Variants in CACNA1D observed in about 807,000 individuals in gnomAD.
CACNA1D encodes the protein voltage-dependent L-type calcium channel subunit alpha-1D.
Under a neutral mutation model 257.1 loss-of-function variants are expected in CACNA1D, and 55 were observed. That is an observed-to-expected ratio of 0.21 (90% CI 0.17 to 0.27). The LOEUF (loss-of-function observed/expected upper bound fraction) is 0.27, where lower values mean the gene tolerates loss of function less well. Among genes scored for constraint, CACNA1D ranks in the 10% least tolerant of loss-of-function variants. The pLI is 1.00. For synonymous variants in CACNA1D, 980 were observed against 1,014.9 expected, an observed-to-expected ratio of 0.97 and a Z score of 0.65; for missense variants, 1,876 against 2,784.0, an observed-to-expected ratio of 0.67 and a Z score of 7.34.
chr3:53,776,499 C>A, intron 35 of CACNA1D, 104 bp from the exon 36 acceptor site: 1 of 1,364,986 alleles, frequency 7.3e-7, no homozygotes, highest in Non-Finnish European at 1.0e-6. Flanking sequence ...CTCTTGGAGA[C>A]ATGGGTTCCC....
intron 3 of CACNA1D, among the ~76,000 whole-genome samples, chr3:53,575,153 G>A (rs2093014293): frequency 6.6e-6 from 1 of 152,224 alleles, no homozygotes; most frequent in South Asian, 2.1e-4. Flanking sequence ...GGACAGTGCT[G>A]GCGGCAGAGG....
At chr3:53,536,464 G>GTT in intron 3 of CACNA1D, among the ~76,000 whole-genome samples, 1 of 152,078 alleles carries the variant, frequency 6.6e-6, no homozygotes, top group African/African-American at 2.4e-5. Context: ...AAATGCATGG[G>GTT]AACTACCAGG....
chr3:53,702,347 A>G (rs973114113), intron 8 of CACNA1D, among the ~76,000 whole-genome samples: 2 of 152,216 alleles, frequency 1.3e-5, no homozygotes, highest in African/African-American at 4.8e-5. Context: ...CCATGACAGC[A>G]CATGGTGTTT....
chr3:53,780,007 C>A lies in CACNA1D; in HGVS notation c.4588-19C>A. On this transcript the variant is annotated intron_variant, in intron 37 of 47. Coordinates refer to ENST00000350061, the MANE Select transcript of CACNA1D (RefSeq NM_001128840.3). ...CACTCATTTGCATTCTACAAAGAAA[C>A]CTTCCTTTCTGTTTACAGAGATTAG... is the stretch of plus-strand genomic sequence containing the variant. 1.3e-6 allele frequency: 2 copies of A among 1,555,656 alleles called. No homozygotes were observed. Among genetic ancestry groups the A allele is most frequent in the Non-Finnish European group, 1.8e-6 (2 of 1,126,738 alleles).
At chr3:53,497,115 TA>T (rs543405396) in intron 1 of CACNA1D, 36 bp from the exon 2 acceptor site, 17,440 of 1,200,498 alleles carry the variant, frequency 0.015, 113 homozygotes, top group South Asian at 0.069. Flanking sequence ...GATCCTCATT[TA>T]AAAAAAAAAA....
chr3:53,518,130 G>A (rs561383323), intron 3 of CACNA1D, among the ~76,000 whole-genome samples: 3 of 152,220 alleles, frequency 2.0e-5, no homozygotes, highest in Non-Finnish European at 4.4e-5. Context: ...GGCTTTGCAC[G>A]TCGGGTGCTG....
chr3:53,677,826 G>A (rs1308847888), intron 8 of CACNA1D, among the ~76,000 whole-genome samples: 1 of 152,230 alleles, frequency 6.6e-6, no homozygotes, highest in African/African-American at 2.4e-5. Flanking sequence ...AGTCTTGAAT[G>A]TTTGTTCTAC....
At chr3:53,735,559 G>A in intron 20 of CACNA1D, 56 bp downstream of exon 20, 1 of 1,599,562 alleles carries the variant, frequency 6.3e-7, no homozygotes, top group Non-Finnish European at 8.5e-7. Flanking sequence ...CTCGGGCAGA[G>A]GCCACTGTAG....
intron 25 of CACNA1D, among the ~76,000 whole-genome samples, chr3:53,746,625 T>G (rs910819771): frequency 6.6e-6 from 1 of 152,210 alleles, no homozygotes; most frequent in Non-Finnish European, 1.5e-5. Flanking sequence ...CAATTGCAAT[T>G]TGGCTGTGTC....
Position 53,747,257 on chromosome 3 carries a change from TG to T in CACNA1D, c.3168-44del, listed in dbSNP as rs781416810. 3.8e-6 allele frequency: 6 copies of T among 1,578,234 alleles called. No homozygotes were observed. In the African/African-American group the frequency reaches 8.1e-5, roughly 21 times the overall value. ...TGTCCAACTTTACGCTGCTTCCACC[TG>T]TCATGTGTGAAGCCAGACGACCCAC... On this transcript the variant is annotated intron_variant, in intron 25 of 47. Transcript: ENST00000350061.
At chr3:53,504,574 G>T (rs2090746886) in intron 3 of CACNA1D, among the ~76,000 whole-genome samples, 1 of 152,106 alleles carries the variant, frequency 6.6e-6, no homozygotes, top group Non-Finnish European at 1.5e-5. Context: ...GGCTAGTGGA[G>T]GCTGGAGTCA....
intron 3 of CACNA1D, among the ~76,000 whole-genome samples, chr3:53,555,525 G>A (rs1334930206): frequency 1.5e-5 from 2 of 136,790 alleles, no homozygotes; most frequent in South Asian, 2.4e-4. Flanking sequence ...TTGACAAAAG[G>A]CACATATAAA....
At chr3:53,643,191 A>G (rs2093981089) in intron 3 of CACNA1D, among the ~76,000 whole-genome samples, 1 of 152,180 alleles carries the variant, frequency 6.6e-6, no homozygotes, top group Non-Finnish European at 1.5e-5. Context: ...TACTGTAGCC[A>G]GTTTCTTCAT....
At chr3:53,708,792 A>G (rs1397592579) in intron 9 of CACNA1D, among the ~76,000 whole-genome samples, 1 of 152,234 alleles carries the variant, frequency 6.6e-6, no homozygotes, top group African/African-American at 2.4e-5. Context: ...TTCTCCTTAA[A>G]GAGAGGCAGA....
Position 53,776,973 on chromosome 3 carries a change from C to T in CACNA1D, c.4587+17C>T, listed in dbSNP as rs572678062. On this transcript the variant is annotated intron_variant, in intron 37 of 47. Transcript: ENST00000350061. ...GCGTGCAAGGTGAGTGTCCTGTGTGCGTGTCTGACAGCCTGTCTTGTAGAA... is the reference window on the plus strand; with the variant it reads ...GCGTGCAAGGTGAGTGTCCTGTGTGTGTGTCTGACAGCCTGTCTTGTAGAA... 4.3e-5 allele frequency: 68 copies of T among 1,565,374 alleles called. No individual in the cohort carries two copies. In the South Asian group the frequency reaches 4.9e-4, roughly 11 times the overall value.
chr3:53,724,946 T>C (rs1351895094), intron 14 of CACNA1D, among the ~76,000 whole-genome samples: 1 of 152,036 alleles, frequency 6.6e-6, no homozygotes, highest in African/African-American at 2.4e-5. Context: ...TACTTAAATT[T>C]TGGCTGCTGA....
intron 3 of CACNA1D, among the ~76,000 whole-genome samples, chr3:53,515,835 C>G (rs17053120): frequency 0.028 from 4,281 of 152,290 alleles, 214 homozygotes; most frequent in African/African-American, 0.096. Flanking sequence ...CAAGGGAACC[C>G]TCTGTGAACA....
rs2095589006 is a variant in CACNA1D, at chr3:53,810,154, G to A, written c.6048G>A (p.Leu2016=). 1.2e-6 allele frequency: 2 copies of A among 1,613,974 alleles called. No individual in the cohort carries two copies. Among genetic ancestry groups the A allele is most frequent in the South Asian group, 1.1e-5 (1 of 91,084 alleles). Residue 2016 remains leucine, a synonymous_variant, in exon 47 of 48, where the codon CTG becomes CTA. Transcript: ENST00000350061. The part of the protein sequence containing the change: ...SEALDQVNGS[L]PSLHRSSWYT... Reference sequence around the variant, plus strand: ...CCCTGGACCAGGTGAACGGCAGCCTGCCGTCCCTGCACCGCAGCTCCTGGT... The same window carrying A: ...CCCTGGACCAGGTGAACGGCAGCCTACCGTCCCTGCACCGCAGCTCCTGGT...
At chr3:53,754,041 A>C (rs1204864573) in intron 29 of CACNA1D, among the ~76,000 whole-genome samples, 1 of 152,216 alleles carries the variant, frequency 6.6e-6, no homozygotes, top group Admixed American at 6.5e-5. Flanking sequence ...TTTGAACATA[A>C]CCCATCAGAA....
Sources: allele counts gnomAD v4.1 joint callset (sites outside exome capture counted in the v4.1 genomes callset), GRCh38; gene constraint gnomAD v4.1.1; transcripts MANE v1.5; gene names NCBI Gene and HGNC (gene_info 2026-07-23, HGNC 2026-07-21).